Variants in LCAT observed in about 807,000 individuals in gnomAD.
LCAT encodes lecithin-cholesterol acyltransferase, also known as phosphatidylcholine-sterol acyltransferase.
LCAT carries 15 observed loss-of-function variants against 41.0 expected under a neutral mutation model. The ratio of observed to expected loss-of-function variants is 0.37; its 90% CI spans 0.24 to 0.56. LCAT has a LOEUF of 0.56. LCAT is among the 20% of genes least tolerant of loss of function. LCAT has a pLI of 0.81. For synonymous variants in LCAT, 248 were observed against 245.4 expected (o/e 1.01, Z -0.10); for missense variants, 449 against 595.1 (o/e 0.75, Z 2.55).
In LCAT at chr16:67,943,709, G is replaced by T; in HGVS notation, c.154+239C>A. On this transcript the variant is annotated intron_variant, in intron 1 of 5. Transcript: ENST00000264005. The surrounding 1 kb of genome is among the most constrained non-coding windows in gnomAD (Gnocchi z 4.6). ...TGTGATGCCCCAGCCAAGACCTCAGGCACACCCCGTCCCCCACTCCGCCCC... is the reference window on the plus strand; with the variant it reads ...TGTGATGCCCCAGCCAAGACCTCAGTCACACCCCGTCCCCCACTCCGCCCC... 1.8e-6 allele frequency: 1 copy of T among 559,708 alleles called. No individual in the cohort carries two copies. Among genetic ancestry groups the T allele is most frequent in the Non-Finnish European group, 3.2e-6 (1 of 315,628 alleles). The allele number at this position is 559,708 out of a possible 1,614,324, so 34.7% of individuals were successfully genotyped here.
intron 5 of LCAT, chr16:67,941,563 G>T: frequency 1.1e-6 from 1 of 881,234 alleles, no homozygotes; most frequent in Non-Finnish European, 1.4e-6. Context: ...TGAGACTGCG[G>T]CTATGATCAC....
At position 67,940,367 on chromosome 16, in the gene LCAT, T is replaced by C. The variant is rs750551944; in HGVS notation, c.860A>G (p.His287Arg). The C allele has an allele frequency of 5.6e-6, 9 of 1,614,084 alleles. No individual in the cohort carries two copies. Among genetic ancestry groups the C allele is most frequent in the Non-Finnish European group, 7.6e-6 (9 of 1,180,012 alleles). Residue 287 changes from histidine (H) to arginine (R), a missense_variant, in exon 6 of 6, where the codon CAC becomes CGC. Physicochemically the swap from His to Arg is conservative, Grantham distance 29 (BLOSUM62 0). Coordinates refer to ENST00000264005, the MANE Select transcript of LCAT (RefSeq NM_000229.2). Reference sequence around the variant, plus strand: ...GAAGCTGGGTGTGGAAATGAACACGTGGTCCTCAGGCCACGCCATGCGAGA... The same window carrying C: ...GAAGCTGGGTGTGGAAATGAACACGCGGTCCTCAGGCCACGCCATGCGAGA... ...FPSRMAWPEDHVFISTPSFNY... is the reference protein window; with the variant it reads ...FPSRMAWPEDRVFISTPSFNY...
rs1255538954 is a variant in LCAT, at chr16:67,943,264, C to A, written c.155-52G>T. The A allele has an allele frequency of 6.4e-7, 1 of 1,559,938 alleles. No homozygotes were observed. Among genetic ancestry groups the A allele is most frequent in the Admixed American group, 1.7e-5 (1 of 58,914 alleles). On this transcript the variant is annotated intron_variant, in intron 1 of 5. Transcript: ENST00000264005. The surrounding 1 kb of genome is among the most constrained non-coding windows in gnomAD (Gnocchi z 4.6). ...CTCTGGATTCCCCCCGTGACCCTTA[C>A]CCCCGTCACCCCAGATGCTGCAGTG...
chr16:67,942,398 C>G lies in LCAT; in HGVS notation c.713G>C (p.Gly238Ala). Residue 238 changes from glycine (G) to alanine (A), a missense_variant, in exon 5 of 6, where the codon GGT (glycine) becomes GCT (alanine). Coordinates refer to ENST00000264005, the MANE Select transcript of LCAT (RefSeq NM_000229.2). The surrounding 1 kb of genome is among the most constrained non-coding windows in gnomAD (Gnocchi z 6.6). ...GACCAGCATGGGCTTGATGGAGCCA[C>G]CCCAGGGAGCCCCAAGAGAGATGAA... ...DGFISLGAPW[G>A]GSIKPMLVLA... 6.2e-7 allele frequency: 1 copy of G among 1,613,952 alleles called. No homozygotes were observed. The highest frequency in any genetic ancestry group is 8.5e-7 in the Non-Finnish European group (1 of 1,179,990).
intron 5 of LCAT, chr16:67,941,887 C>T: frequency 8.9e-7 from 1 of 1,122,906 alleles, no homozygotes; most frequent in Non-Finnish European, 1.1e-6. Context: ...TCCAGACCAG[C>T]TCCCAGGGTA....
chr16:67,944,035 C>A lies in LCAT; in HGVS notation c.67G>T (p.Ala23Ser). 7 of 1,547,310 alleles carry A rather than the reference C, an allele frequency of 4.5e-6. No homozygotes were observed. In the South Asian group the frequency reaches 8.4e-5, roughly 18 times the overall value. ...AGCACATTGAGGAGCCAGAAGGGGG[C>A]GGCAGGAGGGAGCAGCAGCCCCAGC... Reference protein sequence around the residue: ...LLLGLLLPPAAPFWLLNVLFP... With the variant: ...LLLGLLLPPASPFWLLNVLFP... Residue 23 changes from alanine (A) to serine (S), a missense_variant, in exon 1 of 6, where the codon GCC becomes TCC. Transcript: ENST00000264005. The surrounding 1 kb of genome is among the most constrained non-coding windows in gnomAD (Gnocchi z 6.6).
intron 5 of LCAT, 21 bp from the exon 6 acceptor site, chr16:67,940,499 G>A (rs1323431802): frequency 1.2e-6 from 2 of 1,613,392 alleles, no homozygotes; most frequent in South Asian, 1.1e-5. Flanking sequence ...GGAGCAAGGT[G>A]GGACAGGGAG....
At position 67,940,364 on chromosome 16, in the gene LCAT, A is replaced by G; in HGVS notation, c.863T>C (p.Val288Ala). Residue 288 changes from valine (V) to alanine (A), a missense_variant, in exon 6 of 6, where the codon GTG becomes GCG. By Grantham distance (64) the Val-to-Ala change is moderately conservative. Coordinates refer to ENST00000264005, the MANE Select transcript of LCAT (RefSeq NM_000229.2). ...PSRMAWPEDH[V>A]FISTPSFNYT... Reference sequence around the variant, plus strand: ...GTTGAAGCTGGGTGTGGAAATGAACACGTGGTCCTCAGGCCACGCCATGCG... The same window carrying G: ...GTTGAAGCTGGGTGTGGAAATGAACGCGTGGTCCTCAGGCCACGCCATGCG... The G allele has an allele frequency of 6.2e-7, 1 of 1,614,134 alleles. No individual in the cohort carries two copies. Among genetic ancestry groups the G allele is most frequent in the Non-Finnish European group, 8.5e-7 (1 of 1,180,022 alleles).
At position 67,940,688 on chromosome 16, in the gene LCAT, G is replaced by A. The variant is rs1032219742; in HGVS notation, c.749-210C>T. On this transcript the variant is annotated intron_variant, in intron 5 of 5. Transcript: ENST00000264005. ...AGCCCTGATAAGACCTCTGTTGGGT[G>A]GAGCTGTAGGGCTTCAAAAGGATGG... 4 of 808,770 alleles carry A rather than the reference G, an allele frequency of 4.9e-6. No individual in the cohort carries two copies. The African/African-American group carries it at 5.2e-5, about 10-fold the overall frequency. The allele number at this position is 808,770 out of a possible 1,614,324, so 50.1% of individuals were successfully genotyped here.
In LCAT at chr16:67,943,445, C is replaced by T. The variant is rs144922262; in HGVS notation, c.155-233G>A. On this transcript the variant is annotated intron_variant, in intron 1 of 5. Transcript: ENST00000264005. The surrounding 1 kb of genome is among the most constrained non-coding windows in gnomAD (Gnocchi z 4.6). ...GGCGCTGAGGTGCTGAGGCCAAGGC[C>T]GCTGACCCCTGCCTCTGCAGAGCAA... 146 of 578,210 alleles carry T rather than the reference C, an allele frequency of 2.5e-4. No individual in the cohort carries two copies. The highest frequency in any genetic ancestry group is 4.1e-4 in the Non-Finnish European group (130 of 320,766). The allele number at this position is 578,210 out of a possible 1,614,324, so 35.8% of individuals were successfully genotyped here. A position where few individuals can be genotyped will look rare whatever the true frequency, so the allele number is the denominator to read the frequency against.
rs1391170071 is a variant in LCAT, at chr16:67,942,550, C to A, written c.561G>T (p.Leu187=). The change falls in exon 5 of 6, where the codon CTG becomes CTT. Residue 187 remains leucine (L), a synonymous_variant. Coordinates refer to ENST00000264005, the MANE Select transcript of LCAT (RefSeq NM_000229.2). The surrounding 1 kb of genome is among the most constrained non-coding windows in gnomAD (Gnocchi z 6.6). ...QEEYYRKLAG[L]VEEMHAAYGK... Reference sequence around the variant, plus strand: ...CATAGGCAGCGTGCATCTCCTCCACCAGCCCTGCGAGCTTGCGGTAGTACT... The same window carrying A: ...CATAGGCAGCGTGCATCTCCTCCACAAGCCCTGCGAGCTTGCGGTAGTACT... 5.6e-6 allele frequency: 9 copies of A among 1,613,440 alleles called. No individual in the cohort carries two copies. The highest frequency in any genetic ancestry group is 7.6e-6 in the Non-Finnish European group (9 of 1,180,010).
chr16:67,941,742 T>G (rs2058292015), intron 5 of LCAT: 1 of 1,002,094 alleles, frequency 1.0e-6, no homozygotes, highest in Non-Finnish European at 1.2e-6. Flanking sequence ...TGTGTCTTTC[T>G]GCTCCTTGTG....
rs757228770 is a variant in LCAT, at chr16:67,940,370, TC to T, written c.856del (p.Asp286ThrfsTer124). 6.2e-7 allele frequency: 1 copy of T among 1,614,048 alleles called. No homozygotes were observed. Among genetic ancestry groups the T allele is most frequent in the Non-Finnish European group, 8.5e-7 (1 of 1,180,010 alleles). ...MFPSRMAWPE[D>X]HVFISTPSFN... is the part of the protein sequence containing the mutation. ...GCTGGGTGTGGAAATGAACACGTGG[TC>T]CTCAGGCCACGCCATGCGAGAGGGA... On this transcript the variant is annotated frameshift_variant, in exon 6 of 6. Transcript: ENST00000264005. LOFTEE classifies it high-confidence loss of function.
At position 67,940,797 on chromosome 16, in the gene LCAT, G is replaced by A. The variant is rs929341871; in HGVS notation, c.749-319C>T. On this transcript the variant is annotated intron_variant, in intron 5 of 5. Coordinates refer to ENST00000264005, the MANE Select transcript of LCAT (RefSeq NM_000229.2). ...GAGGATCACTTGAGGCCAGGAGTCC[G>A]TGACCAGACTAGGCAATGCAGTGAG... 1.2e-4 allele frequency: 40 copies of A among 344,674 alleles called. 1 individual carries two copies. Among genetic ancestry groups the A allele is most frequent in the South Asian group, 4.1e-4 (14 of 33,912 alleles). 21.4% of individuals were successfully genotyped at this position (344,674 alleles called of 1,614,324 possible). A position where few individuals can be genotyped will look rare whatever the true frequency, so the allele number is the denominator to read the frequency against.
Position 67,942,714 on chromosome 16 carries a change from G to T in LCAT, c.480C>A (p.Asp160Glu). 2.5e-6 allele frequency: 4 copies of T among 1,612,858 alleles called. No individual in the cohort carries two copies. Among genetic ancestry groups the T allele is most frequent in the Non-Finnish European group, 3.4e-6 (4 of 1,179,932 alleles). The change falls in exon 4 of 6, where the codon GAC becomes GAA. Residue 160 changes from aspartate (D) to glutamate (E), a missense_variant. Coordinates refer to ENST00000264005, the MANE Select transcript of LCAT (RefSeq NM_000229.2). The surrounding 1 kb of genome is among the most constrained non-coding windows in gnomAD (Gnocchi z 6.6). Reference protein sequence around the residue: ...QNLVNNGYVRDETVRAAPYDW... With the variant: ...QNLVNNGYVREETVRAAPYDW... ...CATAGGGGGCGGCGCGCACAGTCTC[G>T]TCCCGCACGTAGCCATTGTTGACCA...
In LCAT at chr16:67,943,760, C is replaced by G. The variant is rs909020010; in HGVS notation, c.154+188G>C. On this transcript the variant is annotated intron_variant, in intron 1 of 5. Coordinates refer to ENST00000264005, the MANE Select transcript of LCAT (RefSeq NM_000229.2). The surrounding 1 kb of genome is among the most constrained non-coding windows in gnomAD (Gnocchi z 4.6). ...CCCTGGGTTAGACAACTGAGAGTCACAGTGTGGTGGGAGAAGGGACGTCAT... is the reference window on the plus strand; with the variant it reads ...CCCTGGGTTAGACAACTGAGAGTCAGAGTGTGGTGGGAGAAGGGACGTCAT... 57 of 613,424 alleles carry G rather than the reference C, an allele frequency of 9.3e-5. No individual in the cohort carries two copies. Among genetic ancestry groups the G allele is most frequent in the Middle Eastern group, 4.4e-4 (1 of 2,288 alleles). 38.0% of individuals were successfully genotyped at this position (613,424 alleles called of 1,614,324 possible). A position where few individuals can be genotyped will look rare whatever the true frequency, so the allele number is the denominator to read the frequency against.
chr16:67,939,897 A>T lies in LCAT; in HGVS notation c.*7T>A, dbSNP rs771041790. ...CCATCAGGGCTTACGGTAGCAAAGG[A>T]AGGTCTTTATTCAGGAGGCGGGGGC... On this transcript the variant is annotated 3_prime_UTR_variant, in exon 6 of 6. Coordinates refer to ENST00000264005, the MANE Select transcript of LCAT (RefSeq NM_000229.2). 3.7e-6 allele frequency: 6 copies of T among 1,609,898 alleles called. No individual in the cohort carries two copies. Among genetic ancestry groups the T allele is most frequent in the Non-Finnish European group, 5.1e-6 (6 of 1,177,500 alleles).
In LCAT at chr16:67,942,635, C is replaced by T; in HGVS notation, c.523+36G>A. ...GGGCAGCTGGGGTCTGGGGCACCTG[C>T]CCCACCCCAAGCCGGTCATCCGCAG... On this transcript the variant is annotated intron_variant, in intron 4 of 5. Coordinates refer to ENST00000264005, the MANE Select transcript of LCAT (RefSeq NM_000229.2). This position sits in a 1 kb window ranked among gnomAD's most constrained non-coding sequence, Gnocchi z 6.6. The T allele has an allele frequency of 1.2e-6, 2 of 1,612,628 alleles. No individual in the cohort carries two copies. The highest frequency in any genetic ancestry group is 1.7e-6 in the Non-Finnish European group (2 of 1,179,724).
chr16:67,940,694 G>A lies in LCAT; in HGVS notation c.749-216C>T, dbSNP rs1047546254. On this transcript the variant is annotated intron_variant, in intron 5 of 5. Transcript: ENST00000264005. The stretch of plus-strand genomic sequence containing the variant: ...GATAAGACCTCTGTTGGGTGGAGCT[G>A]TAGGGCTTCAAAAGGATGGCAGGGA... 4 of 787,702 alleles carry A rather than the reference G, an allele frequency of 5.1e-6. No homozygotes were observed. The South Asian group carries it at 5.5e-5, about 11-fold the overall frequency. The allele number at this position is 787,702 out of a possible 1,614,324, so 48.8% of individuals were successfully genotyped here.
Sources: allele counts gnomAD v4.1 joint callset, GRCh38; gene constraint gnomAD v4.1.1; non-coding constraint Gnocchi (gnomAD v3.1); transcripts MANE v1.5; gene names NCBI Gene and HGNC (gene_info 2026-07-23, HGNC 2026-07-21).